The following PCSK2 variants were observed in gnomAD, a reference collection of about 807,000 sequenced individuals.
PCSK2 encodes proprotein convertase subtilisin/kexin type 2, also known as neuroendocrine convertase 2.
PCSK2 carries 14 observed loss-of-function variants against 69.7 expected under a neutral mutation model. The ratio of observed to expected loss-of-function variants is 0.20; its 90% CI spans 0.13 to 0.31. The LOEUF is 0.31. PCSK2 is among the 10% of genes least tolerant of loss of function. The pLI, the probability that PCSK2 is intolerant of heterozygous loss-of-function variation, is 1.00. For missense variants in PCSK2, 544 were observed against 842.5 expected, an observed-to-expected ratio of 0.65 and a Z score of 4.39; for synonymous variants, 307 against 320.7, an observed-to-expected ratio of 0.96 and a Z score of 0.46.
At chr20:17,310,249 T>C (rs370155262) in intron 2 of PCSK2, among the ~76,000 whole-genome samples, 22 of 152,290 alleles carry the variant, frequency 1.4e-4, no homozygotes, top group African/African-American at 4.8e-4. Context: ...CATTTGCTGA[T>C]ACCTAATTGG....
At chr20:17,381,169 C>T (rs769349742) in intron 5 of PCSK2, among the ~76,000 whole-genome samples, 34 of 152,296 alleles carry the variant, frequency 2.2e-4, no homozygotes, top group African/African-American at 4.1e-4. Flanking sequence ...TCCCAACCTA[C>T]GGGAAATTAT....
chr20:17,247,999 T>C (rs185261306), intron 1 of PCSK2, among the ~76,000 whole-genome samples: 1 of 152,264 alleles, frequency 6.6e-6, no homozygotes, highest in East Asian at 1.9e-4. Context: ...TTTTGTGGCA[T>C]AATGAGAATT....
chr20:17,242,802 A>C (rs551491597), intron 1 of PCSK2, among the ~76,000 whole-genome samples: 1 of 152,348 alleles, frequency 6.6e-6, no homozygotes, highest in African/African-American at 2.4e-5. Flanking sequence ...CATGAAAAGC[A>C]TCTGTTTAAG....
At chr20:17,470,470 G>T (rs985391893) in intron 11 of PCSK2, among the ~76,000 whole-genome samples, 1 of 152,100 alleles carries the variant, frequency 6.6e-6, no homozygotes, top group African/African-American at 2.4e-5. Context: ...CTATGAAGGG[G>T]TGTCAAGAAG....
At chr20:17,292,424 T>C (rs1988729571) in intron 2 of PCSK2, among the ~76,000 whole-genome samples, 2 of 152,212 alleles carry the variant, frequency 1.3e-5, no homozygotes, top group Non-Finnish European at 2.9e-5. Flanking sequence ...ACAATATGCA[T>C]CTACATGGTT....
intron 10 of PCSK2, among the ~76,000 whole-genome samples, chr20:17,458,512 T>C (rs1473652002): frequency 1.3e-5 from 2 of 152,096 alleles, no homozygotes; most frequent in Non-Finnish European, 2.9e-5. Flanking sequence ...GCGGCTCCAA[T>C]AGCCAAAAGT....
At chr20:17,344,193 T>C (rs1990585292) in intron 2 of PCSK2, among the ~76,000 whole-genome samples, 1 of 152,212 alleles carries the variant, frequency 6.6e-6, no homozygotes, top group African/African-American at 2.4e-5. Context: ...TAAGTAGAAG[T>C]GTGTTAAGAA....
At chr20:17,474,158 C>A (rs371641067) in intron 11 of PCSK2, among the ~76,000 whole-genome samples, 2 of 152,202 alleles carry the variant, frequency 1.3e-5, no homozygotes, top group Non-Finnish European at 2.9e-5. Flanking sequence ...TGCACCACCC[C>A]AGCTACTGTG....
chr20:17,238,124 A>G (rs1467994872), intron 1 of PCSK2, among the ~76,000 whole-genome samples: 1 of 152,222 alleles, frequency 6.6e-6, no homozygotes, highest in African/African-American at 2.4e-5. Context: ...TGCTACAGGA[A>G]AAAAGCCCAA....
intron 1 of PCSK2, among the ~76,000 whole-genome samples, chr20:17,229,613 C>G (rs759927621): frequency 1.1e-4 from 16 of 151,880 alleles, no homozygotes; most frequent in Non-Finnish European, 2.1e-4. Context: ...CAACCTGAAA[C>G]CTGCAGTTCC....
At chr20:17,283,202 T>C (rs2123049981) in intron 2 of PCSK2, among the ~76,000 whole-genome samples, 1 of 152,162 alleles carries the variant, frequency 6.6e-6, no homozygotes, top group African/African-American at 2.4e-5. Context: ...ATAAACCTGA[T>C]AGAAAGATGA....
rs138861561 is a variant in PCSK2 at position 17,445,485 on chromosome 20, G to A, written c.886-8257G>A. ...GCATTGATTGTTTACTCCCTAAGGG[G>A]CTGCAAAGGGCAAAGCACAGAACTC... On this transcript the variant is annotated intron_variant, in intron 8 of 11. Coordinates refer to ENST00000262545, the MANE Select transcript of PCSK2 (RefSeq NM_002594.5). Among the ~76,000 whole-genome samples, 73 of 152,374 alleles carry A rather than the reference G, an allele frequency of 4.8e-4. 1 individual carries two copies. The East Asian group carries it at 0.013, about 28-fold the overall frequency.
At chr20:17,286,826 T>G (rs1447301825) in intron 2 of PCSK2, among the ~76,000 whole-genome samples, 1 of 152,192 alleles carries the variant, frequency 6.6e-6, no homozygotes, top group East Asian at 1.9e-4. Flanking sequence ...ACAGTCTGTA[T>G]CAGAATCAGT....
intron 10 of PCSK2, chr20:17,463,954 A>G (rs953546537): frequency 1.3e-5 from 2 of 152,164 alleles, no homozygotes; most frequent in African/African-American, 4.8e-5. Context: ...TAAATTTTGC[A>G]CTGCAGCTCA....
chr20:17,330,630 T>C (rs1397696150), intron 2 of PCSK2, among the ~76,000 whole-genome samples: 1 of 151,774 alleles, frequency 6.6e-6, no homozygotes, highest in Non-Finnish European at 1.5e-5. Context: ...TAAAAATACA[T>C]AAATTAAAAT....
intron 8 of PCSK2, among the ~76,000 whole-genome samples, chr20:17,443,355 C>T (rs1165990369): frequency 2.0e-5 from 3 of 152,174 alleles, no homozygotes; most frequent in South Asian, 4.1e-4. Flanking sequence ...AGGAAAGTGA[C>T]GTCCCTACCC....
intron 11 of PCSK2, among the ~76,000 whole-genome samples, 171 bp from the exon 12 acceptor site, chr20:17,481,413 A>AAAAAAAAAAAAG (rs113487407): frequency 6.9e-5 from 8 of 115,828 alleles, no homozygotes; most frequent in South Asian, 2.7e-4. Context: ...AAAAAAAAAA[A>AAAAAAAAAAAAG]AGAGATAAGT....
intron 5 of PCSK2, among the ~76,000 whole-genome samples, chr20:17,372,325 G>A (rs994201406): frequency 5.9e-5 from 9 of 151,846 alleles, no homozygotes; most frequent in Non-Finnish European, 1.2e-4. Flanking sequence ...GTTGCAGTGA[G>A]CTGAGATTGC....
intron 2 of PCSK2, among the ~76,000 whole-genome samples, chr20:17,319,831 C>T (rs1376265406): frequency 6.6e-6 from 1 of 152,142 alleles, no homozygotes; most frequent in Non-Finnish European, 1.5e-5. Flanking sequence ...TCTTCAAATC[C>T]TTCTTTGGAC....
Sources: gnomAD v4.1 joint callset for allele counts (sites outside exome capture counted in the v4.1 genomes callset) on GRCh38, gnomAD v4.1.1 for gene constraint, MANE v1.5 for transcripts, NCBI Gene and HGNC (gene_info 2026-07-23, HGNC 2026-07-21) for gene names.